The following PIGU variants were observed in gnomAD, a reference collection of about 807,000 sequenced individuals.
The protein encoded by PIGU is phosphatidylinositol glycan anchor biosynthesis class U, also known as GPI-anchor transamidase component PIGU.
In PIGU, 24 loss-of-function variants were observed where a neutral mutation model predicts 49.9. That is an observed-to-expected ratio of 0.48 (90% CI 0.35 to 0.68). The LOEUF (loss-of-function observed/expected upper bound fraction) is 0.68. Ranked by LOEUF, PIGU falls within the 30% of genes least tolerant of loss-of-function variation. The pLI is 0.01. For missense variants in PIGU, 490 were observed against 532.6 expected (o/e 0.92, Z 0.79); for synonymous variants, 220 against 205.7 (o/e 1.07, Z -0.59).
In PIGU at chr20:34,621,791, G is replaced by A. The variant is rs868169942; in HGVS notation, c.530-5652C>T. ...AACATTTCTGGAGTTTGCTCTATAC[G>A]AAGAGTGTGATGGGTGCCAGGAAAC... On this transcript the variant is annotated intron_variant, in intron 6 of 11. Coordinates refer to ENST00000217446, the MANE Select transcript of PIGU (RefSeq NM_080476.5). Among the ~76,000 whole-genome samples the A allele has an allele frequency of 2.0e-5, 3 of 152,256 alleles. No individual in the cohort carries two copies. The East Asian group carries it at 5.8e-4, about 29-fold the overall frequency.
intron 11 of PIGU, among the ~76,000 whole-genome samples, chr20:34,572,651 C>G (rs943395811): frequency 9.9e-5 from 15 of 152,054 alleles, no homozygotes; most frequent in African/African-American, 3.6e-4. Flanking sequence ...GAGACTCTAT[C>G]TCAAAAAATA....
At chr20:34,660,934 T>C (rs1408142408) in intron 1 of PIGU, among the ~76,000 whole-genome samples, 6 of 152,284 alleles carry the variant, frequency 3.9e-5, no homozygotes, top group African/African-American at 1.4e-4. Context: ...TTTAGGTCAT[T>C]GCACTATGGT....
At chr20:34,605,220 AC>A (rs1350528022) in intron 7 of PIGU, among the ~76,000 whole-genome samples, 1 of 152,204 alleles carries the variant, frequency 6.6e-6, no homozygotes, top group Non-Finnish European at 1.5e-5. Flanking sequence ...GCCGGATGGA[AC>A]CAGATGGGCT....
intron 4 of PIGU, chr20:34,643,887 C>A: frequency 5.4e-6 from 1 of 186,350 alleles, no homozygotes; most frequent in Non-Finnish European, 1.1e-5. Context: ...AACTGTTATT[C>A]AGCACTACTC....
chr20:34,585,698 C>A, intron 8 of PIGU, 118 bp from the exon 9 acceptor site: 1 of 1,159,506 alleles, frequency 8.6e-7, no homozygotes, highest in East Asian at 2.4e-5. Flanking sequence ...GACTTTCTCC[C>A]TAGAGAGATC....
At chr20:34,640,535 A>C (rs1391771093) in intron 4 of PIGU, among the ~76,000 whole-genome samples, 5 of 94,952 alleles carry the variant, frequency 5.3e-5, no homozygotes, top group Non-Finnish European at 1.0e-4. Context: ...ACACACACAC[A>C]CCCCTTAAGA....
chr20:34,632,847 T>C (rs1020498532), intron 6 of PIGU, among the ~76,000 whole-genome samples: 5 of 150,738 alleles, frequency 3.3e-5, no homozygotes, highest in African/African-American at 9.8e-5. Flanking sequence ...TGGGGTAGGA[T>C]AAAAGATGTG....
intron 7 of PIGU, among the ~76,000 whole-genome samples, chr20:34,598,200 T>C (rs1984276415): frequency 6.6e-6 from 1 of 152,198 alleles, no homozygotes; most frequent in Admixed American, 6.5e-5. Context: ...TGTTGCTTTA[T>C]TATGTTTTAA....
chr20:34,579,252 C>T (rs1983361682), intron 10 of PIGU: 1 of 152,204 alleles, frequency 6.6e-6, no homozygotes, highest in Non-Finnish European at 1.5e-5. Context: ...TTCTGCTGTA[C>T]CATGCAGGCT....
intron 1 of PIGU, among the ~76,000 whole-genome samples, chr20:34,664,026 T>G (rs547835865): frequency 7.2e-5 from 11 of 152,344 alleles, no homozygotes; most frequent in African/African-American, 2.6e-4. Flanking sequence ...ATCAGTGGAT[T>G]TGTTAGTGTA....
intron 6 of PIGU, among the ~76,000 whole-genome samples, chr20:34,629,211 T>A (rs1985608155): frequency 6.6e-6 from 1 of 152,124 alleles, no homozygotes; most frequent in Admixed American, 6.5e-5. Context: ...AAATGAGGTT[T>A]CACCATCTTG....
At chr20:34,630,053 G>A (rs1050934899) in intron 6 of PIGU, among the ~76,000 whole-genome samples, 1 of 152,112 alleles carries the variant, frequency 6.6e-6, no homozygotes, top group Non-Finnish European at 1.5e-5. Flanking sequence ...GAGAAATTCA[G>A]CACTAGAGTG....
chr20:34,599,844 C>A (rs1471130539), intron 7 of PIGU, among the ~76,000 whole-genome samples: 2 of 152,146 alleles, frequency 1.3e-5, no homozygotes, highest in Admixed American at 1.3e-4. Context: ...AAGCTTTACA[C>A]ACATAGCTCT....
chr20:34,564,817 CTG>C (rs1461843515), intron 11 of PIGU, among the ~76,000 whole-genome samples: 6 of 152,182 alleles, frequency 3.9e-5, no homozygotes, highest in East Asian at 1.9e-4. Context: ...GTCAACTCTG[CTG>C]TGTGTGTGGA....
intron 7 of PIGU, among the ~76,000 whole-genome samples, chr20:34,597,812 C>T (rs1457197863): frequency 3.3e-5 from 5 of 152,126 alleles, no homozygotes; most frequent in Non-Finnish European, 5.9e-5. Context: ...TGAAATTTTT[C>T]ATTACAGAAT....
In PIGU at chr20:34,569,231, A is replaced by T. The variant is rs187473107; in HGVS notation, c.1194+5873T>A. On this transcript the variant is annotated intron_variant, in intron 11 of 11. Transcript: ENST00000217446. ...AAAGAAAAAAAAATGAAATAAAATT[A>T]AAAAAAATTTTTTTGAGATAGCATT... Among the ~76,000 whole-genome samples, 367 of 152,140 alleles carry T rather than the reference A, an allele frequency of 2.4e-3. 2 individuals carry two copies. Among genetic ancestry groups the T allele is most frequent in the East Asian group, 0.017 (86 of 5,168 alleles).
chr20:34,601,860 T>C (rs910303008), intron 7 of PIGU, among the ~76,000 whole-genome samples: 6 of 152,252 alleles, frequency 3.9e-5, no homozygotes, highest in African/African-American at 1.2e-4. Context: ...AATAAAACAT[T>C]AGAGATTTGT....
chr20:34,628,251 G>A (rs961077364), intron 6 of PIGU, among the ~76,000 whole-genome samples: 1 of 152,134 alleles, frequency 6.6e-6, no homozygotes, highest in African/African-American at 2.4e-5. Flanking sequence ...AGGAGGTAGA[G>A]GTGGGAGGAC....
intron 6 of PIGU, among the ~76,000 whole-genome samples, chr20:34,625,740 G>GA (rs911397172): frequency 6.7e-6 from 1 of 149,920 alleles, no homozygotes; most frequent in Non-Finnish European, 1.5e-5. Flanking sequence ...AAGAAAGAAG[G>GA]AAAAAAAGAA....
Sources: gnomAD v4.1 joint callset for allele counts (sites outside exome capture counted in the v4.1 genomes callset) on GRCh38, gnomAD v4.1.1 for gene constraint, MANE v1.5 for transcripts, NCBI Gene and HGNC (gene_info 2026-07-23, HGNC 2026-07-21) for gene names.